TMEM117: variants seen among roughly 807,000 people sequenced by gnomAD.
TMEM117 encodes the protein transmembrane protein 117.
A neutral mutation model predicts 52.4 loss-of-function variants in TMEM117; 27 were observed. That is an observed-to-expected ratio of 0.51 (90% CI 0.38 to 0.71). The LOEUF (loss-of-function observed/expected upper bound fraction) is 0.71, where lower values mean the gene tolerates loss of function less well. TMEM117 is among the 30% of genes least tolerant of loss of function. TMEM117 has a pLI of 0.00. For synonymous variants in TMEM117, 215 were observed against 206.3 expected (o/e 1.04, Z -0.36); for missense variants, 556 against 630.5 (o/e 0.88, Z 1.26).
At chr12:44,254,415 CAAAAT>C (rs1440844404) in intron 5 of TMEM117, among the ~76,000 whole-genome samples, 1 of 151,706 alleles carries the variant, frequency 6.6e-6, no homozygotes, top group Non-Finnish European at 1.5e-5. Context: ...ATTGATAACA[CAAAAT>C]GAAATGAAAA....
chr12:44,247,025 G>A (rs1950139199), intron 5 of TMEM117, among the ~76,000 whole-genome samples: 1 of 152,110 alleles, frequency 6.6e-6, no homozygotes. Context: ...TTTTTGATTT[G>A]CATTTAGATA....
At chr12:43,846,751 T>A (rs1943216136) in intron 2 of TMEM117, among the ~76,000 whole-genome samples, 2 of 152,278 alleles carry the variant, frequency 1.3e-5, no homozygotes, top group South Asian at 4.1e-4. Context: ...TTAGCAGTGA[T>A]AAGATAAATA....
intron 2 of TMEM117, among the ~76,000 whole-genome samples, chr12:43,864,479 T>C (rs1230984553): frequency 1.3e-5 from 2 of 152,154 alleles, no homozygotes; most frequent in Non-Finnish European, 2.9e-5. Flanking sequence ...ACCCTGTGTC[T>C]AGCTCGGGGT....
chr12:44,038,058 A>G (rs1946738798), intron 3 of TMEM117, among the ~76,000 whole-genome samples: 1 of 152,132 alleles, frequency 6.6e-6, no homozygotes, highest in South Asian at 2.1e-4. Flanking sequence ...GCCCTTCTTT[A>G]TCTTGCTCAC....
chr12:44,138,092 C>A (rs917377421), intron 3 of TMEM117, among the ~76,000 whole-genome samples: 4 of 152,030 alleles, frequency 2.6e-5, no homozygotes, highest in South Asian at 2.1e-4. Flanking sequence ...GATCATTTGT[C>A]CCAAGTCATG....
intron 7 of TMEM117, among the ~76,000 whole-genome samples, chr12:44,383,877 T>C (rs1952053546): frequency 6.6e-6 from 1 of 152,200 alleles, no homozygotes; most frequent in African/African-American, 2.4e-5. Flanking sequence ...TTTCTCCTTC[T>C]AAAATTGTAT....
intron 2 of TMEM117, among the ~76,000 whole-genome samples, chr12:43,864,184 C>T (rs1042488467): frequency 2.0e-5 from 3 of 152,206 alleles, no homozygotes; most frequent in African/African-American, 7.2e-5. Context: ...CTCACTCCCC[C>T]CGCAGTGGGT....
At chr12:43,801,148 AATGAAGT>A in the TMEM117 span, among the ~76,000 whole-genome samples, 2 of 152,234 alleles carry the variant, frequency 1.3e-5, no homozygotes, top group Non-Finnish European at 2.9e-5. Context: ...GGAAAACTGA[AATGAAGT>A]AACTTTGATA....
chr12:43,862,249 A>G (rs1192313913), intron 2 of TMEM117, among the ~76,000 whole-genome samples: 3 of 152,128 alleles, frequency 2.0e-5, no homozygotes, highest in Non-Finnish European at 4.4e-5. Context: ...GCTCACTGCA[A>G]GCTCTGCCTC....
the TMEM117 span, among the ~76,000 whole-genome samples, chr12:44,395,551 T>C: frequency 9.2e-5 from 14 of 152,238 alleles, no homozygotes; most frequent in Non-Finnish European, 1.6e-4. Context: ...TTTTCAAAAG[T>C]ATTGTGTACA....
intron 2 of TMEM117, among the ~76,000 whole-genome samples, chr12:43,850,195 C>T (rs1189883148): frequency 6.6e-6 from 1 of 152,080 alleles, no homozygotes; most frequent in Non-Finnish European, 1.5e-5. Flanking sequence ...ATCCTCCAGA[C>T]GCAGGGCTTA....
At chr12:44,195,006 GT>G in intron 4 of TMEM117, among the ~76,000 whole-genome samples, 2 of 152,316 alleles carry the variant, frequency 1.3e-5, no homozygotes, top group African/African-American at 4.8e-5. Flanking sequence ...CTGTGCATTA[GT>G]TTTCTACTGC....
intron 2 of TMEM117, among the ~76,000 whole-genome samples, chr12:43,896,182 T>C (rs1944198335): frequency 1.3e-5 from 2 of 152,210 alleles, no homozygotes; most frequent in Non-Finnish European, 2.9e-5. Context: ...TAACATTAAT[T>C]GAGCTCCTAC....
chr12:44,164,640 A>G (rs1371645832), intron 4 of TMEM117, among the ~76,000 whole-genome samples: 1 of 152,180 alleles, frequency 6.6e-6, no homozygotes, highest in African/African-American at 2.4e-5. Flanking sequence ...TAGGCTATGA[A>G]GATTCTGTAA....
chr12:44,348,364 A>T (rs952572591), intron 6 of TMEM117, among the ~76,000 whole-genome samples: 1 of 151,574 alleles, frequency 6.6e-6, no homozygotes, highest in Admixed American at 6.6e-5. Context: ...ACTTCTAACT[A>T]TGTCTTGGGG....
chr12:44,073,851 G>A (rs781067368), intron 3 of TMEM117: 1 of 152,198 alleles, frequency 6.6e-6, no homozygotes, highest in African/African-American at 2.4e-5. Context: ...CAGAAAAAAA[G>A]GACAGAAAAT....
At chr12:43,811,468 T>G in the TMEM117 span, among the ~76,000 whole-genome samples, 1 of 152,222 alleles carries the variant, frequency 6.6e-6, no homozygotes, top group Admixed American at 6.5e-5. Flanking sequence ...TCTAGAATTA[T>G]CTTACATTCA....
chr12:43,944,024 T>C (rs1169855812), intron 2 of TMEM117, among the ~76,000 whole-genome samples, 186 bp from the exon 3 acceptor site: 7 of 152,190 alleles, frequency 4.6e-5, no homozygotes, highest in Non-Finnish European at 7.3e-5. Context: ...GTCTTCGACT[T>C]TATTTATGAT....
At chr12:44,098,806 A>T (rs1159427680) in intron 3 of TMEM117, among the ~76,000 whole-genome samples, 1 of 152,158 alleles carries the variant, frequency 6.6e-6, no homozygotes, top group East Asian at 1.9e-4. Flanking sequence ...AGTCTCTCCA[A>T]ATAATATTGA....
Sources: allele counts gnomAD v4.1 joint callset (sites outside exome capture counted in the v4.1 genomes callset), GRCh38; gene constraint gnomAD v4.1.1; transcripts MANE v1.5; gene names NCBI Gene and HGNC (gene_info 2026-07-23, HGNC 2026-07-21).